DPP10: variants seen among roughly 807,000 people sequenced by gnomAD.
DPP10 encodes the protein inactive dipeptidyl peptidase 10.
DPP10 carries 33 observed loss-of-function variants against 120.9 expected under a neutral mutation model. The ratio of observed to expected loss-of-function variants is 0.27; its 90% CI spans 0.21 to 0.37. DPP10 has a LOEUF of 0.37. Among genes scored for constraint, DPP10 ranks in the 10% least tolerant of loss-of-function variants. The probability of loss-of-function intolerance (pLI) is 1.00; values close to 1 mark genes in which losing one functional copy is unlikely to be tolerated. For synonymous variants in DPP10, 337 were observed against 326.1 expected (o/e 1.03, Z -0.36); for missense variants, 816 against 942.8 (o/e 0.87, Z 1.76).
At chr2:115,598,649 T>C (rs2083132430) in intron 5 of DPP10, among the ~76,000 whole-genome samples, 1 of 151,952 alleles carries the variant, frequency 6.6e-6, no homozygotes, top group African/African-American at 2.4e-5. Flanking sequence ...TAAATAATTT[T>C]ATAATATTTG....
chr2:114,960,976 A>G (rs1698571099), intron 1 of DPP10, among the ~76,000 whole-genome samples: 1 of 150,062 alleles, frequency 6.7e-6, no homozygotes, highest in Non-Finnish European at 1.5e-5. Context: ...GATAATGTCA[A>G]AACTCCAGAA....
intron 3 of DPP10, among the ~76,000 whole-genome samples, chr2:115,443,288 C>G (rs1446241069): frequency 6.6e-6 from 1 of 152,166 alleles, no homozygotes; most frequent in Non-Finnish European, 1.5e-5. Context: ...AATACCCTCT[C>G]CAGACTTTTT....
chr2:114,449,208 A>G (rs2104529919), intron 1 of DPP10, among the ~76,000 whole-genome samples: 1 of 152,254 alleles, frequency 6.6e-6, no homozygotes, highest in Non-Finnish European at 1.5e-5. Context: ...GAGGAATATC[A>G]TCACATTAGC....
chr2:115,711,699 A>C (rs1314765636), intron 7 of DPP10, among the ~76,000 whole-genome samples: 3 of 152,174 alleles, frequency 2.0e-5, no homozygotes, highest in Admixed American at 6.5e-5. Flanking sequence ...TATCAGAAAT[A>C]ACTTCTTAAA....
chr2:115,679,052 A>C (rs2090473366), intron 5 of DPP10, among the ~76,000 whole-genome samples: 1 of 152,148 alleles, frequency 6.6e-6, no homozygotes, highest in Admixed American at 6.5e-5. Flanking sequence ...TTGATTTTAC[A>C]GGCTTATAGG....
At chr2:115,188,590 C>A (rs1389654800) in intron 1 of DPP10, among the ~76,000 whole-genome samples, 4 of 152,106 alleles carry the variant, frequency 2.6e-5, no homozygotes, top group East Asian at 1.9e-4. Flanking sequence ...ACATAAAGAT[C>A]CTTATACTTG....
chr2:115,469,316 A>G (rs1322365329), intron 3 of DPP10, among the ~76,000 whole-genome samples: 1 of 152,236 alleles, frequency 6.6e-6, no homozygotes, highest in Non-Finnish European at 1.5e-5. Context: ...ATTTCAAATT[A>G]AATTTAATCT....
At chr2:114,594,884 T>G (rs986080147) in intron 1 of DPP10, among the ~76,000 whole-genome samples, 7 of 152,058 alleles carry the variant, frequency 4.6e-5, no homozygotes, top group African/African-American at 1.7e-4. Context: ...GTGGTGCTTC[T>G]CGGTCTTTCT....
intron 1 of DPP10, among the ~76,000 whole-genome samples, chr2:115,291,946 A>G (rs2060673676): frequency 6.6e-6 from 1 of 152,190 alleles, no homozygotes; most frequent in African/African-American, 2.4e-5. Flanking sequence ...CCATAAGTTT[A>G]CATAATCAGA....
In DPP10 at chr2:114,606,877, T is replaced by C. The variant is rs145463863; in HGVS notation, c.60+164039T>C. Among the ~76,000 whole-genome samples, 76 of 152,286 alleles carry C rather than the reference T, an allele frequency of 5.0e-4. No individual in the cohort carries two copies. In the East Asian group the frequency reaches 9.5e-3, roughly 19 times the overall value. The stretch of plus-strand genomic sequence containing the variant: ...TTGAGACTTAGTGTGGTTAAGCATA[T>C]TGTTGAAAAGATGGGACTATACTCT... On this transcript the variant is annotated intron_variant, in intron 1 of 25. Transcript: ENST00000410059.
At chr2:114,882,910 A>T (rs1215298003) in intron 1 of DPP10, among the ~76,000 whole-genome samples, 1 of 152,234 alleles carries the variant, frequency 6.6e-6, no homozygotes, top group African/African-American at 2.4e-5. Context: ...TCTATAGTTT[A>T]CTTTCCTGAT....
intron 19 of DPP10, among the ~76,000 whole-genome samples, chr2:115,813,795 T>C (rs919188711): frequency 2.6e-5 from 4 of 152,196 alleles, no homozygotes; most frequent in African/African-American, 4.8e-5. Flanking sequence ...GGCTTCTAGA[T>C]AAACATTCAC....
chr2:114,497,215 G>T (rs1027185972), intron 1 of DPP10, among the ~76,000 whole-genome samples: 1 of 148,994 alleles, frequency 6.7e-6, no homozygotes, highest in Non-Finnish European at 1.5e-5. Context: ...GTACATATAC[G>T]TGTGTATGCA....
chr2:115,162,368 A>T, intron 1 of DPP10: 1 of 1,368,032 alleles, frequency 7.3e-7, no homozygotes, highest in South Asian at 1.6e-5. Flanking sequence ...TTGGTTCCCC[A>T]TTAACGCACG....
At chr2:115,278,336 T>G (rs2060000999) in intron 1 of DPP10, among the ~76,000 whole-genome samples, 1 of 152,148 alleles carries the variant, frequency 6.6e-6, no homozygotes, top group Non-Finnish European at 1.5e-5. Flanking sequence ...TTTCTAGAGG[T>G]TGAGCTCTTC....
chr2:114,895,317 C>T (rs755299071), intron 1 of DPP10, among the ~76,000 whole-genome samples: 5 of 152,196 alleles, frequency 3.3e-5, no homozygotes, highest in African/African-American at 4.8e-5. Flanking sequence ...AATTGAAGCA[C>T]TATGGTGATC....
At chr2:114,788,933 C>T (rs146958088) in intron 1 of DPP10, among the ~76,000 whole-genome samples, 345 of 152,152 alleles carry the variant, frequency 2.3e-3, no homozygotes, top group African/African-American at 7.9e-3. Flanking sequence ...GGGGGTCATT[C>T]CTGAGGATAA....
At chr2:114,648,410 T>C (rs1420383753) in intron 1 of DPP10, among the ~76,000 whole-genome samples, 3 of 152,174 alleles carry the variant, frequency 2.0e-5, no homozygotes, top group African/African-American at 7.2e-5. Flanking sequence ...TAGATCTAGA[T>C]GATTAAGTCC....
chr2:115,619,611 T>TTCTA (rs1299184944), intron 5 of DPP10, among the ~76,000 whole-genome samples: 48 of 152,312 alleles, frequency 3.2e-4, no homozygotes, highest in Non-Finnish European at 1.9e-4. Flanking sequence ...CCCTCTGGAA[T>TTCTA]TCTACAGTCA....
Sources: allele counts gnomAD v4.1 joint callset (sites outside exome capture counted in the v4.1 genomes callset), GRCh38; gene constraint gnomAD v4.1.1; transcripts MANE v1.5; gene names NCBI Gene and HGNC (gene_info 2026-07-23, HGNC 2026-07-21).